SPECC1: variants seen among roughly 807,000 people sequenced by gnomAD.
The protein encoded by SPECC1 is sperm antigen with calponin homology and coiled-coil domains 1, also known as cytospin-B.
Under a neutral mutation model 104.1 loss-of-function variants are expected in SPECC1, and 62 were observed. The ratio of observed to expected loss-of-function variants is 0.60; its 90% CI spans 0.49 to 0.74. SPECC1 has a LOEUF of 0.74. SPECC1 is among the 30% of genes least tolerant of loss of function. The pLI is 0.00. For missense variants in SPECC1, 1,306 were observed against 1,310.5 expected (o/e 1.00, Z 0.05); for synonymous variants, 513 against 501.6 (o/e 1.02, Z -0.30).
intron 3 of SPECC1, among the ~76,000 whole-genome samples, chr17:20,132,712 G>GTTATTTAT (rs56948106): frequency 7.4e-4 from 108 of 144,994 alleles, no homozygotes; most frequent in East Asian, 3.5e-3. Context: ...TTTATGTGTA[G>GTTATTTAT]TTATTTATTT....
intron 3 of SPECC1, among the ~76,000 whole-genome samples, chr17:20,119,550 A>T (rs925630352): frequency 6.6e-6 from 1 of 152,208 alleles, no homozygotes; most frequent in Non-Finnish European, 1.5e-5. Flanking sequence ...TTATTTTTAA[A>T]TGTCAGTAGT....
At chr17:20,271,840 C>T in intron 12 of SPECC1, among the ~76,000 whole-genome samples, 1 of 151,244 alleles carries the variant, frequency 6.6e-6, no homozygotes. Flanking sequence ...AATTTTATGA[C>T]CTCGCATCTT....
chr17:20,302,574 CCT>C (rs2041624402), intron 13 of SPECC1, among the ~76,000 whole-genome samples: 1 of 151,628 alleles, frequency 6.6e-6, no homozygotes, highest in African/African-American at 2.4e-5. Context: ...AAAACCACCC[CCT>C]CTCTGTATTC....
intron 7 of SPECC1, chr17:20,239,439 CT>C: frequency 1.3e-5 from 4 of 296,546 alleles, no homozygotes; most frequent in Non-Finnish European, 2.1e-5. Context: ...TACTCTGCAC[CT>C]TTTTATTTTA....
rs2036672488 is a variant in SPECC1 at position 20,204,918 on chromosome 17, G to C, written c.869G>C (p.Gly290Ala). The C allele has an allele frequency of 6.2e-7, 1 of 1,613,926 alleles. No homozygotes were observed. The highest frequency in any genetic ancestry group is 1.7e-5 in the Admixed American group (1 of 60,004). ...GAGTCAAGCTTCGGAAGCCCAACTG[G>C]AAATCAGATGTCCAGTGACATTGAT... ...TQESSFGSPT[G>A]NQMSSDIDEY... Residue 290 changes from glycine to alanine, a missense_variant, in exon 4 of 15, where the codon GGA (glycine) becomes GCA (alanine). By Grantham distance (60) the Gly-to-Ala change is moderately conservative. Transcript: ENST00000395527.
At position 20,291,966 on chromosome 17, in the gene SPECC1, T is replaced by C. The variant is rs76239273; in HGVS notation, c.2941-4995T>C. On this transcript the variant is annotated intron_variant, in intron 12 of 14. Transcript: ENST00000395527. ...CAGCATTGCTCTTGGGAAAGAACAC[T>C]TCCAGGCAGGGCAAGCACTTGCCTT... Among the ~76,000 whole-genome samples the C allele has an allele frequency of 2.8e-3, 426 of 150,746 alleles. 3 individuals carry two copies. Among genetic ancestry groups the C allele is most frequent in the African/African-American group, 9.9e-3 (403 of 40,856 alleles).
chr17:20,081,110 A>G (rs1372110713), intron 1 of SPECC1, among the ~76,000 whole-genome samples: 2 of 152,072 alleles, frequency 1.3e-5, no homozygotes, highest in South Asian at 2.1e-4. Flanking sequence ...CTGCTGGGTC[A>G]TGTGCCCCTT....
intron 3 of SPECC1, among the ~76,000 whole-genome samples, chr17:20,200,514 T>A (rs550733798): frequency 3.9e-5 from 6 of 152,314 alleles, no homozygotes; most frequent in Admixed American, 1.3e-4. Context: ...AAAGATCCAA[T>A]GGTGCTGGCT....
intron 3 of SPECC1, among the ~76,000 whole-genome samples, chr17:20,161,021 G>T (rs1243242822): frequency 6.6e-6 from 1 of 152,096 alleles, no homozygotes; most frequent in East Asian, 1.9e-4. Context: ...GACCAGCCTG[G>T]CCAACATGGT....
At chr17:20,099,694 CAAAAAAAAA>C (rs768172798) in intron 2 of SPECC1, among the ~76,000 whole-genome samples, 32 of 17,436 alleles carry the variant, frequency 1.8e-3, no homozygotes, top group East Asian at 5.7e-3. Flanking sequence ...CACTCTATCT[CAAAAAAAAA>C]AAAAAAAAAA....
chr17:20,129,068 AT>A (rs2049466507), intron 3 of SPECC1, among the ~76,000 whole-genome samples: 1 of 151,474 alleles, frequency 6.6e-6, no homozygotes, highest in African/African-American at 2.4e-5. Flanking sequence ...AATTTTTTAA[AT>A]TTTTTTGTAG....
intron 2 of SPECC1, among the ~76,000 whole-genome samples, chr17:20,105,692 A>G (rs1178745702): frequency 6.6e-6 from 1 of 152,040 alleles, no homozygotes; most frequent in Non-Finnish European, 1.5e-5. Flanking sequence ...GACTGGCGCC[A>G]CCTATGTTAC....
At chr17:20,259,196 G>A (rs909249385) in intron 11 of SPECC1, among the ~76,000 whole-genome samples, 4 of 152,324 alleles carry the variant, frequency 2.6e-5, no homozygotes, top group East Asian at 1.9e-4. Flanking sequence ...ATGAAGTCAT[G>A]TGTTTCAGAA....
chr17:20,207,190 C>G (rs1463933925), intron 4 of SPECC1, among the ~76,000 whole-genome samples: 1 of 152,132 alleles, frequency 6.6e-6, no homozygotes, highest in African/African-American at 2.4e-5. Context: ...GCAAATTATG[C>G]CATGAGCTCT....
intron 1 of SPECC1, among the ~76,000 whole-genome samples, chr17:20,058,364 T>A (rs2046046693): frequency 6.6e-6 from 1 of 152,182 alleles, no homozygotes; most frequent in Admixed American, 6.6e-5. Flanking sequence ...GTACAGTGGC[T>A]CATGCTTGTA....
intron 1 of SPECC1, among the ~76,000 whole-genome samples, chr17:20,041,620 CTTTTTTTTTTT>C (rs35255510): frequency 2.0e-5 from 1 of 51,150 alleles, no homozygotes; most frequent in South Asian, 1.1e-3. Context: ...TTTGTTGAGG[CTTTTTTTTTTT>C]TTTTTTTTTT....
At chr17:20,044,158 C>T (rs933385109) in intron 1 of SPECC1, among the ~76,000 whole-genome samples, 1 of 152,008 alleles carries the variant, frequency 6.6e-6, no homozygotes, top group Non-Finnish European at 1.5e-5. Context: ...GAACATTTCT[C>T]ACAGTGGAAA....
At chr17:20,276,113 T>C (rs1052728918) in intron 12 of SPECC1, among the ~76,000 whole-genome samples, 1 of 152,212 alleles carries the variant, frequency 6.6e-6, no homozygotes, top group African/African-American at 2.4e-5. Flanking sequence ...CTTTCTTTCC[T>C]TTCTTCTCTT....
chr17:20,238,111 G>A, intron 7 of SPECC1: 25 of 1,028,412 alleles, frequency 2.4e-5, no homozygotes, highest in Non-Finnish European at 2.9e-5. Context: ...GAAACAAGGT[G>A]CCTCCAAGCT....
Sources: gnomAD v4.1 joint callset for allele counts (sites outside exome capture counted in the v4.1 genomes callset) on GRCh38, gnomAD v4.1.1 for gene constraint, MANE v1.5 for transcripts, NCBI Gene and HGNC (gene_info 2026-07-23, HGNC 2026-07-21) for gene names.